The following ABCA1 variants were observed in gnomAD, a reference collection of about 807,000 sequenced individuals.
ABCA1 encodes phospholipid-transporting ATPase ABCA1.
In ABCA1, 133 loss-of-function variants were observed where a neutral mutation model predicts 262.5. The observed-to-expected ratio is 0.51, with a 90% confidence interval of 0.44 to 0.59. The LOEUF (loss-of-function observed/expected upper bound fraction) is 0.59. ABCA1 is among the 20% of genes least tolerant of loss of function. The pLI is 0.00. For synonymous variants in ABCA1, 1,022 were observed against 1,043.5 expected (o/e 0.98, Z 0.40); for missense variants, 2,452 against 2,777.5 (o/e 0.88, Z 2.63).
rs376336176 is a variant in ABCA1, at chr9:104,819,734, A to G, written c.3104-11T>C. On this transcript the variant is annotated splice_polypyrimidine_tract_variant and intron_variant, in intron 21 of 49. Transcript: ENST00000374736. ...TTCTCTGCATTCCACCTACAAAAAAACAGAGCAAGACAAACTCCAGGACCA... is the reference window on the plus strand; with the variant it reads ...TTCTCTGCATTCCACCTACAAAAAAGCAGAGCAAGACAAACTCCAGGACCA... The G allele has an allele frequency of 3.1e-6, 5 of 1,614,076 alleles. No individual in the cohort carries two copies. The highest frequency in any genetic ancestry group is 1.7e-5 in the Admixed American group (1 of 60,002).
intron 1 of ABCA1, among the ~76,000 whole-genome samples, chr9:104,909,654 A>G (rs10820744): frequency 0.4 from 59,156 of 146,476 alleles, 12,745 homozygotes; most frequent in East Asian, 0.62. Context: ...ACACACACAC[A>G]TTCACAGGAA....
In ABCA1 at chr9:104,788,100, T is replaced by G. The variant is rs200259054; in HGVS notation, c.6070-46A>C. 139 of 1,584,624 alleles carry G rather than the reference T, an allele frequency of 8.8e-5. 1 individual carries two copies. The highest frequency in any genetic ancestry group is 1.2e-4 in the Non-Finnish European group (137 of 1,153,326). On this transcript the variant is annotated intron_variant, in intron 45 of 49. Coordinates refer to ENST00000374736, the MANE Select transcript of ABCA1 (RefSeq NM_005502.4). ...TTGACTTTGGTCTGGCTTGGGAATT[T>G]TATCATGCTGTCCTACACATACATG... is the stretch of plus-strand genomic sequence containing the variant.
At chr9:104,925,695 T>C (rs1826268362) in intron 1 of ABCA1, among the ~76,000 whole-genome samples, 1 of 152,200 alleles carries the variant, frequency 6.6e-6, no homozygotes, top group Non-Finnish European at 1.5e-5. Flanking sequence ...GTTTGTGGAA[T>C]TATTTAATGG....
chr9:104,920,254 G>A lies in ABCA1; in HGVS notation c.-93+7681C>T, dbSNP rs372326845. Among the ~76,000 whole-genome samples, 6 of 152,250 alleles carry A rather than the reference G, an allele frequency of 3.9e-5. No homozygotes were observed. The East Asian group carries it at 7.7e-4, about 20-fold the overall frequency. The stretch of plus-strand genomic sequence containing the variant: ...TGTATTTTTTCTGAAGAGAAAATCC[G>A]TATCTTTCTTCAAAGAAGTCAACAA... On this transcript the variant is annotated intron_variant, in intron 1 of 49. Coordinates refer to ENST00000374736, the MANE Select transcript of ABCA1 (RefSeq NM_005502.4).
chr9:104,924,153 A>G (rs566636114), intron 1 of ABCA1, among the ~76,000 whole-genome samples: 1 of 152,368 alleles, frequency 6.6e-6, no homozygotes, highest in Non-Finnish European at 1.5e-5. Flanking sequence ...TCATGGTTGT[A>G]TCCACATGCA....
intron 14 of ABCA1, among the ~76,000 whole-genome samples, chr9:104,829,997 C>G (rs1054119201): frequency 6.6e-6 from 1 of 151,244 alleles, no homozygotes; most frequent in Non-Finnish European, 1.5e-5. Flanking sequence ...ACCACCACCA[C>G]CAACCACAGA....
chr9:104,891,381 G>A (rs998482649), intron 2 of ABCA1, among the ~76,000 whole-genome samples: 4 of 151,746 alleles, frequency 2.6e-5, no homozygotes, highest in African/African-American at 9.7e-5. Context: ...CCAACATGGT[G>A]AAACCCCATC....
rs141222894 is a variant in ABCA1, at chr9:104,826,713, G to A, written c.2337+235C>T. Among the ~76,000 whole-genome samples the A allele has an allele frequency of 2.8e-3, 419 of 152,226 alleles. 2 individuals carry two copies. Among genetic ancestry groups the A allele is most frequent in the African/African-American group, 9.5e-3 (395 of 41,524 alleles). On this transcript the variant is annotated intron_variant, in intron 16 of 49. Transcript: ENST00000374736. Reference sequence around the variant, plus strand: ...CAGTTCAAGATGCAGTCTGGCTCTCGGAAAAATTCCATTCAATTCAATTCA... The same window carrying A: ...CAGTTCAAGATGCAGTCTGGCTCTCAGAAAAATTCCATTCAATTCAATTCA...
Position 104,923,486 on chromosome 9 carries a change from T to C in ABCA1, c.-93+4449A>G, listed in dbSNP as rs144441671. Among the ~76,000 whole-genome samples, 511 of 152,288 alleles carry C rather than the reference T, an allele frequency of 3.4e-3. 3 individuals carry two copies. Among genetic ancestry groups the C allele is most frequent in the African/African-American group, 0.012 (490 of 41,552 alleles). ...GTTAAAGAGAATTTGGCTGACCCAC[T>C]CACAGCAACAAGGAAAATATGATAC... On this transcript the variant is annotated intron_variant, in intron 1 of 49. Coordinates refer to ENST00000374736, the MANE Select transcript of ABCA1 (RefSeq NM_005502.4).
intron 5 of ABCA1, among the ~76,000 whole-genome samples, chr9:104,862,683 C>CAGGG (rs1564199238): frequency 0.016 from 47 of 2,964 alleles, 16 homozygotes; most frequent in African/African-American, 0.055. Flanking sequence ...CCGGGCCGGG[C>CAGGG]CGGGCCGGGC....
chr9:104,896,656 TAAAACTACATATCAAATGACCAAATG>T (rs955906573), intron 2 of ABCA1, among the ~76,000 whole-genome samples: 9 of 135,164 alleles, frequency 6.7e-5, no homozygotes, highest in African/African-American at 2.4e-4. Context: ...GCACCAAAAC[TAAAACTACATATCAAATGACCAAATG>T]AATAACTCCA....
intron 1 of ABCA1, among the ~76,000 whole-genome samples, chr9:104,915,648 A>G (rs936816542): frequency 1.3e-5 from 2 of 152,342 alleles, no homozygotes; most frequent in Admixed American, 1.3e-4. Context: ...TACTGTTATT[A>G]AGATTTTCAC....
At position 104,796,362 on chromosome 9, in the gene ABCA1, G is replaced by C; in HGVS notation, c.5184C>G (p.Ser1728=). The change falls in exon 38 of 50, where the codon TCC becomes TCG. Residue 1728 remains serine, a synonymous_variant. Coordinates refer to ENST00000374736, the MANE Select transcript of ABCA1 (RefSeq NM_005502.4). ...IIIFICFQQK[S]YVSSTNLPVL... Reference sequence around the variant, plus strand: ...CAGGCAGATTGGTGGAGGACACATAGGACTTCTGCTGGAAGCAGATGAAGA... The same window carrying C: ...CAGGCAGATTGGTGGAGGACACATACGACTTCTGCTGGAAGCAGATGAAGA... 2 of 1,614,216 alleles carry C rather than the reference G, an allele frequency of 1.2e-6. No individual in the cohort carries two copies. Among genetic ancestry groups the C allele is most frequent in the South Asian group, 1.1e-5 (1 of 91,090 alleles).
At chr9:104,862,298 C>T (rs1487327630) in intron 5 of ABCA1, among the ~76,000 whole-genome samples, 3 of 151,152 alleles carry the variant, frequency 2.0e-5, no homozygotes, top group Non-Finnish European at 4.4e-5. Context: ...TTAGTACAGA[C>T]AGGGTTTCAC....
At position 104,817,195 on chromosome 9, in the gene ABCA1, G is replaced by A. The variant is rs998138323; in HGVS notation, c.3535+137C>T. 3.5e-5 allele frequency: 54 copies of A among 1,558,122 alleles called. No homozygotes were observed. Among genetic ancestry groups the A allele is most frequent in the Non-Finnish European group, 4.2e-5 (48 of 1,156,008 alleles). ...CCGCCACCAAGCTGCTCCCACACCC[G>A]CAGCCACCCAGCCCCAGCCCAGCAG... On this transcript the variant is annotated intron_variant, in intron 24 of 49. Transcript: ENST00000374736. The surrounding 1 kb of genome is among the most constrained non-coding windows in gnomAD (Gnocchi z 4.7).
At chr9:104,894,632 A>C (rs1346519597) in intron 2 of ABCA1, among the ~76,000 whole-genome samples, 1 of 152,214 alleles carries the variant, frequency 6.6e-6, no homozygotes, top group African/African-American at 2.4e-5. Flanking sequence ...TGGCAGAGCC[A>C]AGATTCAAAG....
At chr9:104,792,528 T>G (rs1047082054) in intron 42 of ABCA1, among the ~76,000 whole-genome samples, 3 of 152,196 alleles carry the variant, frequency 2.0e-5, no homozygotes, top group African/African-American at 7.2e-5. Flanking sequence ...TTAGTATGTT[T>G]TAATAACTAA....
chr9:104,848,381 A>T (rs1835077329), intron 7 of ABCA1, among the ~76,000 whole-genome samples: 1 of 152,084 alleles, frequency 6.6e-6, no homozygotes, highest in Admixed American at 6.5e-5. Flanking sequence ...TTGGGAAGCC[A>T]AAGTGGGTGG....
In ABCA1 at chr9:104,917,373, A is replaced by G. The variant is rs557413967; in HGVS notation, c.-93+10562T>C. Among the ~76,000 whole-genome samples, 7 of 152,366 alleles carry G rather than the reference A, an allele frequency of 4.6e-5. No homozygotes were observed. The South Asian group carries it at 1.4e-3, about 32-fold the overall frequency. Reference sequence around the variant, plus strand: ...TTCAGAGGATTTTAGGAGATGAACAAGCACAGTATTAAACATTGAACCACA... The same window carrying G: ...TTCAGAGGATTTTAGGAGATGAACAGGCACAGTATTAAACATTGAACCACA... On this transcript the variant is annotated intron_variant, in intron 1 of 49. Coordinates refer to ENST00000374736, the MANE Select transcript of ABCA1 (RefSeq NM_005502.4).
Sources: allele counts gnomAD v4.1 joint callset (sites outside exome capture counted in the v4.1 genomes callset), GRCh38; gene constraint gnomAD v4.1.1; non-coding constraint Gnocchi (gnomAD v3.1); transcripts MANE v1.5; gene names NCBI Gene and HGNC (gene_info 2026-07-23, HGNC 2026-07-21).